FLT3LG: variants seen among roughly 807,000 people sequenced by gnomAD.
The protein encoded by FLT3LG is fms-related tyrosine kinase 3 ligand.
FLT3LG carries 8 observed loss-of-function variants against 30.9 expected under a neutral mutation model. The ratio of observed to expected loss-of-function variants is 0.26; its 90% CI spans 0.15 to 0.47. The LOEUF (loss-of-function observed/expected upper bound fraction) is 0.47. FLT3LG is among the 20% of genes least tolerant of loss of function. FLT3LG has a pLI of 0.99. For missense variants in FLT3LG, 278 were observed against 306.2 expected (o/e 0.91, Z 0.69); for synonymous variants, 123 against 135.9 (o/e 0.91, Z 0.66).
Position 49,476,034 on chromosome 19 carries a change from C to G in FLT3LG, c.145-111C>G. The G allele has an allele frequency of 7.9e-7, 1 of 1,265,086 alleles. No individual in the cohort carries two copies. Among genetic ancestry groups the G allele is most frequent in the East Asian group, 2.3e-5 (1 of 43,232 alleles). The allele number at this position is 1,265,086 out of a possible 1,614,324, so 78.4% of individuals were successfully genotyped here. ...GGTTCTGTGGCTTCTTCTGGGCTCC[C>G]CCTCTCTTGGTCTTGTCCCTCTCTC... On this transcript the variant is annotated intron_variant, in intron 3 of 8. Transcript: ENST00000597551. The surrounding 1 kb of genome is among the most constrained non-coding windows in gnomAD (Gnocchi z 5.3).
rs551879952 is a variant in FLT3LG at position 49,476,287 on chromosome 19, C to G, written c.198+89C>G. 3.3e-5 allele frequency: 47 copies of G among 1,437,052 alleles called. 1 individual carries two copies. In the Admixed American group the frequency reaches 5.5e-4, roughly 17 times the overall value. The allele number at this position is 1,437,052 out of a possible 1,614,324, so 89.0% of individuals were successfully genotyped here. A position where few individuals can be genotyped will look rare whatever the true frequency, so the allele number is the denominator to read the frequency against. On this transcript the variant is annotated intron_variant, in intron 4 of 8. Coordinates refer to ENST00000597551, the MANE Select transcript of FLT3LG (RefSeq NM_001459.4). This position sits in a 1 kb window ranked among gnomAD's most constrained non-coding sequence, Gnocchi z 5.3. ...AGGCGAGTGGATAACCAGGCCCTCC[C>G]CTCCCCAAACCCAGGAATCAGAGTC...
chr19:49,477,038 T>A (rs916960684), intron 5 of FLT3LG, among the ~76,000 whole-genome samples: 3 of 151,928 alleles, frequency 2.0e-5, no homozygotes, highest in Admixed American at 6.6e-5. Context: ...GGCACAGGAA[T>A]CGCTTGAACC....
chr19:49,475,652 G>C, intron 2 of FLT3LG, 39 bp from the exon 3 acceptor site: 1 of 1,593,820 alleles, frequency 6.3e-7, no homozygotes, highest in Non-Finnish European at 8.5e-7. Context: ...GCTGTGTGTG[G>C]AACAGCAGAG....
intron 2 of FLT3LG, among the ~76,000 whole-genome samples, chr19:49,474,934 A>G: frequency 1.0e-5 from 1 of 96,098 alleles, no homozygotes; most frequent in Non-Finnish European, 1.8e-5. Flanking sequence ...AGGAGCGGGG[A>G]GATGGACAGA....
rs75611812 is a variant in FLT3LG, at chr19:49,476,361, C to A, written c.199-62C>A. 1 of 1,565,324 alleles carries A rather than the reference C, an allele frequency of 6.4e-7. No homozygotes were observed. On this transcript the variant is annotated intron_variant, in intron 4 of 8. Coordinates refer to ENST00000597551, the MANE Select transcript of FLT3LG (RefSeq NM_001459.4). The surrounding 1 kb of genome is among the most constrained non-coding windows in gnomAD (Gnocchi z 5.3). Reference sequence around the variant, plus strand: ...CAGGAGCCCCGGCCCAGCCCCTCCTCCCTCAGACCCAGCAGCCCCGTGCCC... The same window carrying A: ...CAGGAGCCCCGGCCCAGCCCCTCCTACCTCAGACCCAGCAGCCCCGTGCCC...
chr19:49,480,712 G>C, intron 8 of FLT3LG, 92 bp downstream of exon 8: 1 of 1,327,678 alleles, frequency 7.5e-7, no homozygotes, highest in Non-Finnish European at 1.0e-6. Flanking sequence ...AGCAGTGGAG[G>C]GGCAGGGGCA....
chr19:49,483,563 A>C (rs1436404983), intron 8 of FLT3LG, among the ~76,000 whole-genome samples: 4 of 152,020 alleles, frequency 2.6e-5, no homozygotes, highest in Non-Finnish European at 5.9e-5. Flanking sequence ...CTCTACAAAA[A>C]ATTTTAAAAA....
At chr19:49,475,995 C>T (rs1377160031) in intron 3 of FLT3LG, 150 bp from the exon 4 acceptor site, 2 of 1,063,252 alleles carry the variant, frequency 1.9e-6, no homozygotes, top group Non-Finnish European at 2.9e-6. Context: ...GGTGTCATCC[C>T]TTTTTAAGGG....
chr19:49,478,424 G>A (rs1400948949), intron 5 of FLT3LG, among the ~76,000 whole-genome samples: 4 of 151,714 alleles, frequency 2.6e-5, no homozygotes, highest in Admixed American at 6.6e-5. Context: ...CCGAGATTGC[G>A]CCACTGTACT....
intron 8 of FLT3LG, 106 bp downstream of exon 8, chr19:49,480,726 C>G (rs775695796): frequency 6.5e-6 from 8 of 1,232,614 alleles, no homozygotes; most frequent in Middle Eastern, 2.6e-4. Context: ...AGGGGCAGCT[C>G]TAGGTGCAGA....
intron 8 of FLT3LG, among the ~76,000 whole-genome samples, chr19:49,485,212 G>C (rs1207245826): frequency 6.6e-6 from 1 of 151,018 alleles, no homozygotes; most frequent in Non-Finnish European, 1.5e-5. Flanking sequence ...CCGTATTAAA[G>C]AGCAAAAATA....
rs1056415021 is a variant in FLT3LG at position 49,478,846 on chromosome 19, T to C, written c.343-63T>C. On this transcript the variant is annotated intron_variant, in intron 5 of 8. Coordinates refer to ENST00000597551, the MANE Select transcript of FLT3LG (RefSeq NM_001459.4). The stretch of plus-strand genomic sequence containing the variant: ...GGGCATCGCCAGCAGGGAAGGGCCT[T>C]TGGCCTGCGGAGGGGCGGTGGGGGG... 10 of 1,416,630 alleles carry C rather than the reference T, an allele frequency of 7.1e-6. No homozygotes were observed. The Middle Eastern group carries it at 1.0e-3, about 147-fold the overall frequency. The allele number at this position is 1,416,630 out of a possible 1,614,324, so 87.8% of individuals were successfully genotyped here. A position where few individuals can be genotyped will look rare whatever the true frequency, so the allele number is the denominator to read the frequency against.
rs745931144 is a variant in FLT3LG at position 49,480,295 on chromosome 19, C to T, written c.482-3C>T. The T allele has an allele frequency of 1.3e-6, 2 of 1,581,168 alleles. No homozygotes were observed. The highest frequency in any genetic ancestry group is 2.7e-5 in the African/African-American group (2 of 74,014). The stretch of plus-strand genomic sequence containing the variant: ...GGTCACCCAGCCTCCTCTTTCTCCC[C>T]AGACTCCTCAACCCTGCCACCCCCA... On this transcript the variant is annotated splice_region_variant and splice_polypyrimidine_tract_variant and intron_variant, in intron 6 of 8. Transcript: ENST00000597551.
At chr19:49,483,859 T>A (rs2079698322) in intron 8 of FLT3LG, among the ~76,000 whole-genome samples, 1 of 123,826 alleles carries the variant, frequency 8.1e-6, no homozygotes. Flanking sequence ...AGAGGGAGAC[T>A]CTGTCTCAAA....
At chr19:49,474,483 AG>A in intron 1 of FLT3LG, 119 bp from the exon 2 acceptor site, 1 of 647,170 alleles carries the variant, frequency 1.5e-6, no homozygotes, top group Non-Finnish European at 2.6e-6. Context: ...AGCCTGGGGG[AG>A]GAAGGGGCGG....
intron 8 of FLT3LG, among the ~76,000 whole-genome samples, chr19:49,483,160 C>T (rs1206216827): frequency 6.6e-6 from 1 of 151,820 alleles, no homozygotes; most frequent in Non-Finnish European, 1.5e-5. Flanking sequence ...GATTCTCGCT[C>T]TGTCACCCAG....
At chr19:49,480,671 A>G in intron 8 of FLT3LG, 51 bp downstream of exon 8, 4 of 1,539,702 alleles carry the variant, frequency 2.6e-6, no homozygotes, top group Middle Eastern at 1.9e-4. Flanking sequence ...GCAGGTTGGG[A>G]GGGTCACTAG....
At chr19:49,474,820 G>T in intron 2 of FLT3LG, 148 bp downstream of exon 2, 1 of 873,806 alleles carries the variant, frequency 1.1e-6, no homozygotes, top group Non-Finnish European at 1.8e-6. Context: ...GAGATGGATA[G>T]GAGAGGAGAC....
At chr19:49,481,729 T>C (rs1167545174) in intron 8 of FLT3LG, 1 of 152,338 alleles carries the variant, frequency 6.6e-6, no homozygotes, top group East Asian at 1.9e-4. Flanking sequence ...TCTCACTCTG[T>C]CACCCAGGCT....
Sources: allele counts gnomAD v4.1 joint callset (sites outside exome capture counted in the v4.1 genomes callset), GRCh38; gene constraint gnomAD v4.1.1; non-coding constraint Gnocchi (gnomAD v3.1); transcripts MANE v1.5; gene names NCBI Gene and HGNC (gene_info 2026-07-23, HGNC 2026-07-21).